PIK3C2G: variants seen among roughly 807,000 people sequenced by gnomAD.
PIK3C2G encodes the protein phosphatidylinositol 3-kinase C2 domain-containing subunit gamma.
A neutral mutation model predicts 181.1 loss-of-function variants in PIK3C2G; 168 were observed. The observed-to-expected ratio is 0.93, with a 90% CI of 0.82 to 1.05. PIK3C2G has a LOEUF of 1.05. Among genes scored for constraint, PIK3C2G ranks in the 50% least tolerant of loss-of-function variants. The pLI is 0.00. For synonymous variants in PIK3C2G, 573 were observed against 592.2 expected, an observed-to-expected ratio of 0.97 and a Z score of 0.47; for missense variants, 1,869 against 1,732.8, an observed-to-expected ratio of 1.08 and a Z score of -1.40.
At chr12:18,267,436 G>A (rs1163222752) in intron 1 of PIK3C2G, among the ~76,000 whole-genome samples, 1 of 152,044 alleles carries the variant, frequency 6.6e-6, no homozygotes, top group African/African-American at 2.4e-5. Flanking sequence ...TTTTTCAGAA[G>A]TAAGATCTTC....
the PIK3C2G span, among the ~76,000 whole-genome samples, chr12:18,719,181 C>T: frequency 6.6e-6 from 1 of 152,060 alleles, no homozygotes; most frequent in Non-Finnish European, 1.5e-5. Context: ...GGGCCATAAC[C>T]ATGGAGAGGA....
chr12:18,696,692 A>C, the PIK3C2G span, among the ~76,000 whole-genome samples: 73,269 of 151,696 alleles, frequency 0.48, 18,873 homozygotes, highest in African/African-American at 0.66. Flanking sequence ...AATCATATGG[A>C]AGTCACACAA....
At chr12:18,665,530 T>C in the PIK3C2G span, among the ~76,000 whole-genome samples, 1 of 152,160 alleles carries the variant, frequency 6.6e-6, no homozygotes, top group African/African-American at 2.4e-5. Flanking sequence ...TGGTGGCTCC[T>C]GCCTGTAATC....
At chr12:18,511,466 T>C (rs1942202456) in intron 24 of PIK3C2G, among the ~76,000 whole-genome samples, 1 of 152,084 alleles carries the variant, frequency 6.6e-6, no homozygotes, top group Non-Finnish European at 1.5e-5. Context: ...TTCCCTTTTT[T>C]TAAACCCTCC....
chr12:18,635,233 A>G (rs1949539748), intron 31 of PIK3C2G, among the ~76,000 whole-genome samples: 1 of 152,210 alleles, frequency 6.6e-6, no homozygotes, highest in Admixed American at 6.5e-5. Context: ...AACTGACCGC[A>G]GGGAACTCTT....
chr12:18,669,220 C>T, the PIK3C2G span, among the ~76,000 whole-genome samples: 1 of 152,144 alleles, frequency 6.6e-6, no homozygotes, highest in African/African-American at 2.4e-5. Flanking sequence ...GGTCCCACAG[C>T]TAGTAGGTAG....
chr12:18,301,182 G>A (rs994570048), intron 5 of PIK3C2G, among the ~76,000 whole-genome samples: 1 of 152,054 alleles, frequency 6.6e-6, no homozygotes, highest in South Asian at 2.1e-4. Flanking sequence ...AATGTGCAAT[G>A]GAAAAGACCT....
intron 8 of PIK3C2G, among the ~76,000 whole-genome samples, chr12:18,327,461 A>G (rs1951396519): frequency 6.6e-6 from 1 of 152,082 alleles, no homozygotes; most frequent in African/African-American, 2.4e-5. Flanking sequence ...ATTATTGAAT[A>G]ATATGAATAT....
At chr12:18,374,202 C>A (rs112878372) in intron 13 of PIK3C2G, among the ~76,000 whole-genome samples, 1 of 152,100 alleles carries the variant, frequency 6.6e-6, no homozygotes, top group Non-Finnish European at 1.5e-5. Flanking sequence ...CTGGCCTGAG[C>A]ACCAGTATTT....
chr12:18,495,377 G>A (rs1940921264), intron 20 of PIK3C2G, among the ~76,000 whole-genome samples: 1 of 152,070 alleles, frequency 6.6e-6, no homozygotes, highest in African/African-American at 2.4e-5. Flanking sequence ...AATGGAAGGT[G>A]TAATTACTGG....
At chr12:18,409,404 T>G (rs1020628519) in intron 16 of PIK3C2G, among the ~76,000 whole-genome samples, 1 of 151,652 alleles carries the variant, frequency 6.6e-6, no homozygotes, top group African/African-American at 2.4e-5. Flanking sequence ...TTGGGGAGTG[T>G]GGGGCTAGGG....
chr12:18,282,591 A>C lies in PIK3C2G; in HGVS notation c.510A>C (p.Gly170=). 1 of 1,613,090 alleles carries C rather than the reference A, an allele frequency of 6.2e-7. No individual in the cohort carries two copies. Among genetic ancestry groups the C allele is most frequent in the Admixed American group, 1.7e-5 (1 of 59,998 alleles). The stretch of plus-strand genomic sequence containing the variant: ...ATGAAAATCATAACTACCATATAGG[A>C]TTTGAAAGTAGCATTCCTCCAACAA... ...LENENHNYHI[G]FESSIPPTNS... is the part of the protein sequence containing the mutation. Residue 170 remains glycine (G), a synonymous_variant, in exon 2 of 33, where the codon GGA becomes GGC. Coordinates refer to ENST00000538779, the MANE Select transcript of PIK3C2G (RefSeq NM_001288772.2).
the PIK3C2G span, among the ~76,000 whole-genome samples, chr12:18,653,926 T>C: frequency 6.6e-6 from 1 of 152,132 alleles, no homozygotes; most frequent in Admixed American, 6.5e-5. Flanking sequence ...TAAAGGACTA[T>C]ACCTGTCAGC....
At chr12:18,567,156 G>A in intron 29 of PIK3C2G, 99 bp downstream of exon 29, 1 of 637,636 alleles carries the variant, frequency 1.6e-6, no homozygotes, top group South Asian at 2.1e-5. Flanking sequence ...CCAGTACTTT[G>A]GGAGGTCAAG....
chr12:18,424,863 G>T, intron 18 of PIK3C2G: 1 of 207,208 alleles, frequency 4.8e-6, no homozygotes, highest in Admixed American at 4.4e-5. Flanking sequence ...ATATGGAAGG[G>T]TATTATACCT....
chr12:18,469,570 T>G (rs1420449651), intron 18 of PIK3C2G, among the ~76,000 whole-genome samples: 1 of 152,080 alleles, frequency 6.6e-6, no homozygotes, highest in Admixed American at 6.6e-5. Flanking sequence ...CTCTGACTTT[T>G]GTCCTACGGA....
intron 30 of PIK3C2G, among the ~76,000 whole-genome samples, chr12:18,600,487 C>G (rs981594277): frequency 6.6e-6 from 1 of 151,904 alleles, no homozygotes; most frequent in South Asian, 2.1e-4. Context: ...AAGTAGACTT[C>G]AAATAGTTAG....
intron 7 of PIK3C2G, among the ~76,000 whole-genome samples, chr12:18,321,669 C>T (rs1951113899): frequency 1.3e-5 from 2 of 151,986 alleles, no homozygotes; most frequent in Non-Finnish European, 2.9e-5. Context: ...AACATATCAG[C>T]TAAATTTACG....
intron 26 of PIK3C2G, among the ~76,000 whole-genome samples, chr12:18,557,971 C>A (rs1945096302): frequency 6.6e-6 from 1 of 152,028 alleles, no homozygotes; most frequent in South Asian, 2.1e-4. Context: ...AAAATCCTTA[C>A]CTATTGGTTT....
Sources: gnomAD v4.1 joint callset for allele counts (sites outside exome capture counted in the v4.1 genomes callset) on GRCh38, gnomAD v4.1.1 for gene constraint, MANE v1.5 for transcripts, NCBI Gene and HGNC (gene_info 2026-07-23, HGNC 2026-07-21) for gene names.